The following RNF125 variants were observed in gnomAD, a reference collection of about 807,000 sequenced individuals.
RNF125 encodes ring finger protein 125.
In RNF125, 21 loss-of-function variants were observed where a neutral mutation model predicts 26.0. The observed-to-expected ratio is 0.81, with a 90% CI of 0.57 to 1.16. RNF125 has a LOEUF of 1.16. Among genes scored for constraint, RNF125 ranks in the 50% most tolerant of loss-of-function variants. The pLI, the probability that RNF125 is intolerant of heterozygous loss-of-function variation, is 0.00. For synonymous variants in RNF125, 95 were observed against 109.2 expected, an observed-to-expected ratio of 0.87 and a Z score of 0.81; for missense variants, 270 against 299.4, an observed-to-expected ratio of 0.90 and a Z score of 0.72.
chr18:32,024,780 A>G (rs1478158052), intron 1 of RNF125, among the ~76,000 whole-genome samples: 1 of 152,100 alleles, frequency 6.6e-6, no homozygotes, highest in Non-Finnish European at 1.5e-5. Context: ...GCCAACTAAC[A>G]ATTTAAAACT....
At chr18:32,082,023 G>A in the RNF125 span, among the ~76,000 whole-genome samples, 1 of 152,196 alleles carries the variant, frequency 6.6e-6, no homozygotes, top group Non-Finnish European at 1.5e-5. Flanking sequence ...TGCTGAGTGG[G>A]AAAGTTTGAG....
intron 4 of RNF125, among the ~76,000 whole-genome samples, chr18:32,063,089 G>C (rs1371456344): frequency 6.6e-6 from 1 of 151,772 alleles, no homozygotes; most frequent in East Asian, 1.9e-4. Flanking sequence ...GCATGGTGGT[G>C]GGCGCCTGTA....
chr18:32,086,371 T>C, the RNF125 span, among the ~76,000 whole-genome samples: 9 of 137,966 alleles, frequency 6.5e-5, no homozygotes, highest in Non-Finnish European at 1.3e-4. Flanking sequence ...TTTTTTTTTT[T>C]CTGAGACAGG....
the RNF125 span, among the ~76,000 whole-genome samples, chr18:32,081,219 T>G: frequency 1.2e-3 from 172 of 138,476 alleles, 1 homozygote; most frequent in Admixed American, 7.1e-3. Context: ...AAGGTCAGAA[T>G]GGTAAATTTC....
At chr18:32,043,970 T>A (rs1460539720) in intron 3 of RNF125, among the ~76,000 whole-genome samples, 1 of 152,044 alleles carries the variant, frequency 6.6e-6, no homozygotes, top group African/African-American at 2.4e-5. Flanking sequence ...TAAGGCAGTG[T>A]TGTCCAGTAG....
chr18:32,036,012 G>C (rs552135683), intron 1 of RNF125, among the ~76,000 whole-genome samples: 2 of 152,166 alleles, frequency 1.3e-5, no homozygotes, highest in Admixed American at 6.5e-5. Context: ...AAATTGGCCA[G>C]GCGTGGTGGT....
rs150336864 is a variant in RNF125, at chr18:32,029,676, T to C, written c.165-7440T>C. On this transcript the variant is annotated intron_variant, in intron 1 of 5. Transcript: ENST00000217740. ...ATACTCAAAGACATTTGTTGTCAGA[T>C]TGAAAACAGTAGATGCAAGGGAGAA... 3.0e-3 allele frequency among the ~76,000 whole-genome samples: 450 copies of C among 151,846 alleles called. 2 individuals are homozygous for C. Among genetic ancestry groups the C allele is most frequent in the African/African-American group, 0.011 (435 of 41,382 alleles).
chr18:32,076,368 T>A (rs776008506), downstream of RNF125: 32 of 249,200 alleles, frequency 1.3e-4, no homozygotes, highest in Non-Finnish European at 2.1e-4. Context: ...CCAGGCTGAG[T>A]GCAGTGGTAT....
At position 32,037,303 on chromosome 18, in the gene RNF125, C is replaced by A. The variant is rs541687227; in HGVS notation, c.318+34C>A. On this transcript the variant is annotated intron_variant, in intron 2 of 5. Coordinates refer to ENST00000217740, the MANE Select transcript of RNF125 (RefSeq NM_017831.4). ...GTGACCCCACCTATTTTCATGGTTA[C>A]CAGCTTAAGTCCCTGCGAAAGTTAT... 10 of 1,428,126 alleles carry A rather than the reference C, an allele frequency of 7.0e-6. No homozygotes were observed. The African/African-American group carries it at 1.5e-4, about 21-fold the overall frequency. The allele number at this position is 1,428,126 out of a possible 1,614,324, so 88.5% of individuals were successfully genotyped here.
chr18:32,059,755 T>C (rs578032759), intron 4 of RNF125, among the ~76,000 whole-genome samples: 1 of 152,278 alleles, frequency 6.6e-6, no homozygotes, highest in South Asian at 2.1e-4. Flanking sequence ...TTTGAGGTCT[T>C]AGATTCAAGT....
chr18:32,063,847 A>T (rs1003347332), intron 4 of RNF125, among the ~76,000 whole-genome samples: 3 of 152,170 alleles, frequency 2.0e-5, no homozygotes, highest in African/African-American at 7.2e-5. Context: ...TTCTATTTAT[A>T]TAAGTTTCTC....
At chr18:32,081,702 A>G in the RNF125 span, among the ~76,000 whole-genome samples, 1 of 152,250 alleles carries the variant, frequency 6.6e-6, no homozygotes, top group African/African-American at 2.4e-5. Flanking sequence ...ATACAATTCA[A>G]CCTATAAAAT....
intron 4 of RNF125, among the ~76,000 whole-genome samples, chr18:32,060,338 T>C (rs2039423127): frequency 6.6e-6 from 1 of 152,214 alleles, no homozygotes; most frequent in African/African-American, 2.4e-5. Context: ...CCTGTCATTG[T>C]TGCGGGTGGG....
intron 4 of RNF125, among the ~76,000 whole-genome samples, chr18:32,060,219 G>A (rs2039422025): frequency 6.6e-6 from 1 of 152,214 alleles, no homozygotes; most frequent in Non-Finnish European, 1.5e-5. Flanking sequence ...TCAGTAGGAT[G>A]AGGTGAAGCT....
Position 32,069,289 on chromosome 18 carries a change from AT to A in RNF125, c.*907del, listed in dbSNP as rs1205747919. 6.6e-6 allele frequency: 1 copy of A among 152,066 alleles called. No individual in the cohort carries two copies. Among genetic ancestry groups the A allele is most frequent in the Non-Finnish European group, 1.5e-5 (1 of 68,022 alleles). 9.4% of individuals were successfully genotyped at this position (152,066 alleles called of 1,614,324 possible). A position where few individuals can be genotyped will look rare whatever the true frequency, so the allele number is the denominator to read the frequency against. ...ATTTTGTGTTAGAAAAGTATACTTA[AT>A]TCTTTGACTTTTTATAACTGCATAC... On this transcript the variant is annotated 3_prime_UTR_variant, in exon 6 of 6. Transcript: ENST00000217740.
chr18:32,066,115 C>CT, intron 5 of RNF125, 106 bp downstream of exon 5: 2 of 701,840 alleles, frequency 2.8e-6, no homozygotes, highest in South Asian at 1.7e-5. Flanking sequence ...GTGTATATAG[C>CT]TATAGTGTTG....
intron 1 of RNF125, among the ~76,000 whole-genome samples, chr18:32,021,210 A>G (rs920128304): frequency 6.6e-6 from 1 of 152,138 alleles, no homozygotes; most frequent in Non-Finnish European, 1.5e-5. Context: ...CCTCCCGAGT[A>G]GCTGGGACTA....
chr18:32,056,445 C>A (rs1043298122), intron 4 of RNF125, among the ~76,000 whole-genome samples: 2 of 151,854 alleles, frequency 1.3e-5, no homozygotes, highest in Non-Finnish European at 2.9e-5. Flanking sequence ...AACCACCCCC[C>A]ATGTCTACTA....
At chr18:32,035,300 A>G (rs974380497) in intron 1 of RNF125, among the ~76,000 whole-genome samples, 2 of 152,234 alleles carry the variant, frequency 1.3e-5, no homozygotes, top group Non-Finnish European at 2.9e-5. Flanking sequence ...TAGTAATTTG[A>G]TAACAGATGC....
Sources: gnomAD v4.1 joint callset for allele counts (sites outside exome capture counted in the v4.1 genomes callset) on GRCh38, gnomAD v4.1.1 for gene constraint, MANE v1.5 for transcripts, NCBI Gene and HGNC (gene_info 2026-07-23, HGNC 2026-07-21) for gene names.